The following BDP1 variants were observed in gnomAD, a reference collection of about 807,000 sequenced individuals.
BDP1 encodes transcription factor TFIIIB component B'' homolog.
A neutral mutation model predicts 266.6 loss-of-function variants in BDP1; 169 were observed. The observed-to-expected ratio is 0.63, with a 90% CI of 0.56 to 0.72. The LOEUF is 0.72. Among genes scored for constraint, BDP1 ranks in the 30% least tolerant of loss-of-function variants. The pLI is 0.00. For synonymous variants in BDP1, 1,090 were observed against 1,022.4 expected, an observed-to-expected ratio of 1.07 and a Z score of -1.26; for missense variants, 3,015 against 3,053.8, an observed-to-expected ratio of 0.99 and a Z score of 0.30.
At chr5:71,513,540 C>A in intron 19 of BDP1, 133 bp downstream of exon 19, 1 of 645,924 alleles carries the variant, frequency 1.5e-6, no homozygotes, top group South Asian at 2.1e-5. Context: ...TGATATTGCT[C>A]CCATGCTTAA....
At chr5:71,558,690 G>T (rs404692) in intron 36 of BDP1, among the ~76,000 whole-genome samples, 67,396 of 151,696 alleles carry the variant, frequency 0.44, 15,352 homozygotes, top group South Asian at 0.55. Flanking sequence ...GCTGGGCGTG[G>T]TGGCGGGCAC....
At position 71,467,443 on chromosome 5, in the gene BDP1, C is replaced by G; in HGVS notation, c.875C>G (p.Ser292Cys). The G allele has an allele frequency of 6.2e-7, 1 of 1,609,882 alleles. No individual in the cohort carries two copies. Among genetic ancestry groups the G allele is most frequent in the Middle Eastern group, 1.7e-4 (1 of 6,058 alleles). ...IFERGSTTTYSSFRKNYYSKP... is the reference protein window; with the variant it reads ...IFERGSTTTYCSFRKNYYSKP... ...GAGCGCGGTTCTACAACTACATACT[C>G]CAGCTTTAGGAAAAACTATTACTCT... The change falls in exon 6 of 39, where the codon TCC becomes TGC. Residue 292 changes from serine (S) to cysteine (C), a missense_variant. Around this residue, in one of 3 missense-constraint regions of BDP1, gnomAD observed 2,383 missense variants for 2,404.9 expected, o/e 0.99. Transcript: ENST00000358731.
chr5:71,535,709 A>G (rs1252790450), intron 26 of BDP1, among the ~76,000 whole-genome samples: 1 of 152,060 alleles, frequency 6.6e-6, no homozygotes, highest in Non-Finnish European at 1.5e-5. Flanking sequence ...GAACCATCCC[A>G]TGCCTTTCTC....
At chr5:71,506,786 A>AACACACAC (rs70992971) in intron 16 of BDP1, among the ~76,000 whole-genome samples, 1,926 of 64,398 alleles carry the variant, frequency 0.03, 29 homozygotes, top group African/African-American at 0.041. Flanking sequence ...ATATATTTGA[A>AACACACAC]ACACACACAC....
chr5:71,455,657 G>C lies in BDP1; in HGVS notation c.-221G>C. The C allele has an allele frequency of 1.7e-6, 1 of 583,978 alleles. No individual in the cohort carries two copies. Among genetic ancestry groups the C allele is most frequent in the Admixed American group, 3.2e-5 (1 of 31,118 alleles). The allele number at this position is 583,978 out of a possible 1,614,324, so 36.2% of individuals were successfully genotyped here. On this transcript the variant is annotated 5_prime_UTR_variant, in exon 1 of 39. Coordinates refer to ENST00000358731, the MANE Select transcript of BDP1 (RefSeq NM_018429.3). ...AGCGCGGGGATGCTGGGAGGAGGGT[G>C]AAATTTAGCCATCGGTGTGTGGCAG...
At chr5:71,576,826 G>T in the BDP1 span, among the ~76,000 whole-genome samples, 1 of 152,266 alleles carries the variant, frequency 6.6e-6, no homozygotes, top group South Asian at 2.1e-4. Flanking sequence ...TTCCTCAGTG[G>T]CATTATCTAG....
intron 6 of BDP1, among the ~76,000 whole-genome samples, chr5:71,469,935 G>A (rs1561675098): frequency 4.0e-5 from 6 of 149,774 alleles, no homozygotes; most frequent in African/African-American, 9.8e-5. Flanking sequence ...TCCGCTTCCC[G>A]GGTTCAAGCG....
At chr5:71,495,148 C>T (rs1382758630) in intron 11 of BDP1, 102 bp from the exon 12 acceptor site, 14 of 655,510 alleles carry the variant, frequency 2.1e-5, no homozygotes, top group Non-Finnish European at 3.2e-5. Context: ...GAAGCAGCAT[C>T]TTGCAAAATG....
intron 7 of BDP1, among the ~76,000 whole-genome samples, chr5:71,473,502 T>C (rs1407711771): frequency 2.6e-5 from 4 of 152,000 alleles, no homozygotes; most frequent in Admixed American, 6.6e-5. Flanking sequence ...TCCTATCTCC[T>C]GACCTTGTGA....
chr5:71,463,763 G>A (rs1427256965), intron 3 of BDP1, among the ~76,000 whole-genome samples: 3 of 151,482 alleles, frequency 2.0e-5, no homozygotes, highest in Non-Finnish European at 2.9e-5. Context: ...AAGAAGTAGA[G>A]GTTACATGGA....
chr5:71,559,382 AG>A (rs1397035595), intron 36 of BDP1, among the ~76,000 whole-genome samples: 2 of 152,200 alleles, frequency 1.3e-5, no homozygotes, highest in African/African-American at 4.8e-5. Flanking sequence ...TTCTTTTAGC[AG>A]GTTTACTTAT....
rs1446160514 is a variant in BDP1, at chr5:71,544,989, T to TC, written c.6564-48dup. The TC allele has an allele frequency of 2.6e-6, 4 of 1,562,306 alleles. No individual in the cohort carries two copies. The East Asian group carries it at 6.8e-5, about 26-fold the overall frequency. ...TTACACACCTAGCTCTAAAAATAAT[T>TC]CCATGATTTGCCTGATTTCAAATGA... is the stretch of plus-strand genomic sequence containing the variant. On this transcript the variant is annotated intron_variant, in intron 31 of 38. Coordinates refer to ENST00000358731, the MANE Select transcript of BDP1 (RefSeq NM_018429.3).
At chr5:71,527,230 T>C (rs1270110762) in intron 25 of BDP1, among the ~76,000 whole-genome samples, 1 of 152,098 alleles carries the variant, frequency 6.6e-6, no homozygotes, top group African/African-American at 2.4e-5. Flanking sequence ...TTTAAGATGA[T>C]TAAGACATCC....
At chr5:71,495,543 A>G (rs760421082) in intron 12 of BDP1, 135 bp downstream of exon 12, 70 of 519,950 alleles carry the variant, frequency 1.3e-4, no homozygotes, top group Non-Finnish European at 2.1e-4. Context: ...ATCATTTAAT[A>G]TGTAATTATA....
chr5:71,533,013 A>G (rs919628551), intron 26 of BDP1, among the ~76,000 whole-genome samples: 6 of 152,186 alleles, frequency 3.9e-5, no homozygotes, highest in Non-Finnish European at 8.8e-5. Flanking sequence ...GATGTTTCCT[A>G]GACATGAAAT....
chr5:71,513,178 C>A lies in BDP1; in HGVS notation c.4248-7C>A. 1 of 1,607,482 alleles carries A rather than the reference C, an allele frequency of 6.2e-7. No homozygotes were observed. Among genetic ancestry groups the A allele is most frequent in the South Asian group, 1.1e-5 (1 of 90,230 alleles). ...ATTCTAAAGCTTGATAATCCTTGTT[C>A]CAAAAGCAAATCTCTTCCTCAAGAA... On this transcript the variant is annotated splice_polypyrimidine_tract_variant and splice_region_variant and intron_variant, in intron 18 of 38. Coordinates refer to ENST00000358731, the MANE Select transcript of BDP1 (RefSeq NM_018429.3).
At position 71,515,633 on chromosome 5, in the gene BDP1, T is replaced by C. The variant is rs190879408; in HGVS notation, c.4650-428T>C. On this transcript the variant is annotated intron_variant, in intron 20 of 38. Transcript: ENST00000358731. ...ATTCATTAACTTTTAAAAATTAGTA[T>C]ACACATAAGATAAAATTTACCATTT... Among the ~76,000 whole-genome samples, 7 of 152,300 alleles carry C rather than the reference T, an allele frequency of 4.6e-5. No individual in the cohort carries two copies. The East Asian group carries it at 1.4e-3, about 29-fold the overall frequency.
chr5:71,564,151 T>C (rs1580235948), intron 38 of BDP1, among the ~76,000 whole-genome samples: 2 of 152,160 alleles, frequency 1.3e-5, no homozygotes, highest in Admixed American at 6.6e-5. Flanking sequence ...TTTTATCAGA[T>C]GCTAAATTTC....
rs141573220 is a variant in BDP1, at chr5:71,544,879, CAAAAAAAAAAAAA to C, written c.6564-145_6564-133del. ...TGGGCGACAGAGTGAGACTCTGTCT[CAAAAAAAAAAAAA>C]AAAAAAAAAAAAAAGTCCTATTGCA... On this transcript the variant is annotated intron_variant, in intron 31 of 38. Transcript: ENST00000358731. 1.1e-3 allele frequency among the ~76,000 whole-genome samples: 31 copies of C among 28,516 alleles called. 1 individual carries two copies. Among genetic ancestry groups the C allele is most frequent in the South Asian group, 7.5e-3 (3 of 402 alleles). 18.7% of individuals were successfully genotyped at this position (28,516 alleles called of 152,430 possible). A position where few individuals can be genotyped will look rare whatever the true frequency, so the allele number is the denominator to read the frequency against.
Sources: allele counts gnomAD v4.1 joint callset (sites outside exome capture counted in the v4.1 genomes callset), GRCh38; gene constraint gnomAD v4.1.1; regional missense constraint gnomAD v4.1.1; transcripts MANE v1.5; gene names NCBI Gene and HGNC (gene_info 2026-07-23, HGNC 2026-07-21).